The following CFTR variants were observed in gnomAD, a reference collection of about 807,000 sequenced individuals.
CFTR encodes the protein CF transmembrane conductance regulator.
CFTR carries 181 observed loss-of-function variants against 171.6 expected under a neutral mutation model. The ratio of observed to expected loss-of-function variants is 1.05; its 90% confidence interval spans 0.93 to 1.19. The LOEUF is 1.19. Among genes scored for constraint, CFTR ranks in the 50% most tolerant of loss-of-function variants. The pLI is 0.00. For synonymous variants in CFTR, 583 were observed against 608.0 expected, an observed-to-expected ratio of 0.96 and a Z score of 0.60; for missense variants, 1,968 against 1,734.7, an observed-to-expected ratio of 1.13 and a Z score of -2.39.
At chr7:117,513,502 A>G (rs1375911925) in intron 3 of CFTR, among the ~76,000 whole-genome samples, 1 of 151,682 alleles carries the variant, frequency 6.6e-6, no homozygotes, top group Non-Finnish European at 1.5e-5. Flanking sequence ...TACAGATGCA[A>G]ATTTCTCCCA....
intron 22 of CFTR, among the ~76,000 whole-genome samples, chr7:117,637,481 T>G (rs919312454): frequency 6.6e-6 from 1 of 152,136 alleles, no homozygotes; most frequent in Non-Finnish European, 1.5e-5. Context: ...GAGCGGGAGT[T>G]GAGTATTTCC....
Position 117,598,270 on chromosome 7 carries a change from T to C in CFTR, c.2619+3212T>C, listed in dbSNP as rs1792169798. On this transcript the variant is annotated intron_variant, in intron 15 of 26. Coordinates refer to ENST00000003084, the MANE Select transcript of CFTR (RefSeq NM_000492.4). ...TGTGAATGATTACTGCAGATATTTA[T>C]TCTAGAGGACACCCCTGGGTATGTC... is the stretch of plus-strand genomic sequence containing the variant. Among the ~76,000 whole-genome samples, 3 of 152,324 alleles carry C rather than the reference T, an allele frequency of 2.0e-5. No individual in the cohort carries two copies. The South Asian group carries it at 6.2e-4, about 32-fold the overall frequency.
At chr7:117,585,341 A>G (rs1191290613) in intron 11 of CFTR, among the ~76,000 whole-genome samples, 1 of 152,134 alleles carries the variant, frequency 6.6e-6, no homozygotes, top group East Asian at 1.9e-4. Context: ...CTCTAAATCA[A>G]TAATCTATTT....
intron 13 of CFTR, 107 bp from the exon 14 acceptor site, chr7:117,591,827 A>T: frequency 1.5e-6 from 1 of 660,828 alleles, no homozygotes; most frequent in Non-Finnish European, 2.5e-6. Flanking sequence ...ATAAAATTGT[A>T]TGATAGAGAT....
chr7:117,565,244 G>A (rs531919372), intron 11 of CFTR, among the ~76,000 whole-genome samples: 3 of 152,248 alleles, frequency 2.0e-5, no homozygotes, highest in South Asian at 2.1e-4. Context: ...AGAAATCAAC[G>A]CAATTAAGCC....
intron 24 of CFTR, among the ~76,000 whole-genome samples, chr7:117,660,963 A>G: frequency 6.6e-6 from 1 of 152,158 alleles, no homozygotes; most frequent in Non-Finnish European, 1.5e-5. Flanking sequence ...AACTCTCATT[A>G]AGAGCCAGTT....
chr7:117,623,402 G>A (rs1792609815), intron 21 of CFTR, among the ~76,000 whole-genome samples: 1 of 152,202 alleles, frequency 6.6e-6, no homozygotes, highest in Non-Finnish European at 1.5e-5. Flanking sequence ...GGGTTAAGGA[G>A]TTTGCCAATC....
intron 23 of CFTR, among the ~76,000 whole-genome samples, chr7:117,643,757 G>A (rs1292760400): frequency 2.0e-5 from 3 of 152,198 alleles, no homozygotes. Context: ...TGATAGAGAA[G>A]TGTTGTTATT....
intron 10 of CFTR, among the ~76,000 whole-genome samples, chr7:117,552,091 T>C (rs1181714078): frequency 6.6e-6 from 1 of 152,110 alleles, no homozygotes; most frequent in Non-Finnish European, 1.5e-5. Context: ...CACACATATA[T>C]ATATGACACT....
intron 6 of CFTR, among the ~76,000 whole-genome samples, chr7:117,535,677 G>A (rs969408037): frequency 2.0e-5 from 3 of 151,788 alleles, no homozygotes; most frequent in Non-Finnish European, 4.4e-5. Flanking sequence ...TGGGATTAGA[G>A]GCGCATGCCA....
At chr7:117,572,593 C>G (rs1791711738) in intron 11 of CFTR, among the ~76,000 whole-genome samples, 1 of 152,096 alleles carries the variant, frequency 6.6e-6, no homozygotes, top group African/African-American at 2.4e-5. Context: ...ACTTCATTCT[C>G]TCTCTCTTTA....
chr7:117,509,953 G>A (rs900364373), intron 3 of CFTR, among the ~76,000 whole-genome samples: 4 of 152,056 alleles, frequency 2.6e-5, no homozygotes, highest in South Asian at 2.1e-4. Context: ...ATGCCTCAGG[G>A]AGTTAAACAG....
At chr7:117,660,298 T>A (rs1165861345) in intron 24 of CFTR, among the ~76,000 whole-genome samples, 3 of 152,168 alleles carry the variant, frequency 2.0e-5, no homozygotes, top group South Asian at 2.1e-4. Context: ...GTACTTTTTT[T>A]AATTTATTGA....
chr7:117,483,282 AAAT>A (rs2116608768), intron 1 of CFTR, among the ~76,000 whole-genome samples: 1 of 152,302 alleles, frequency 6.6e-6, no homozygotes, highest in South Asian at 2.1e-4. Context: ...TTGCCTTTCT[AAAT>A]AATACATAAA....
rs183224026 is a variant in CFTR, at chr7:117,641,397, G to A, written c.3718-1041G>A. On this transcript the variant is annotated intron_variant, in intron 22 of 26. Coordinates refer to ENST00000003084, the MANE Select transcript of CFTR (RefSeq NM_000492.4). The stretch of plus-strand genomic sequence containing the variant: ...TTATATATTTTTGAAGTATTGATAT[G>A]TAGTGAATTAGAAATTTAAAAAGAA... Among the ~76,000 whole-genome samples the A allele has an allele frequency of 1.7e-3, 265 of 152,260 alleles. 1 individual carries two copies. The highest frequency in any genetic ancestry group is 2.5e-3 in the Non-Finnish European group (171 of 68,012).
chr7:117,617,678 C>G (rs778540300), intron 21 of CFTR, among the ~76,000 whole-genome samples: 2 of 152,040 alleles, frequency 1.3e-5, no homozygotes, highest in Non-Finnish European at 2.9e-5. Flanking sequence ...CATGCACCAC[C>G]TTCTGCCTGT....
chr7:117,483,656 C>A (rs1584765910), intron 1 of CFTR, among the ~76,000 whole-genome samples: 1 of 152,112 alleles, frequency 6.6e-6, no homozygotes, highest in African/African-American at 2.4e-5. Context: ...ACCTCCTGGG[C>A]TCAAGTGAGC....
At chr7:117,515,668 AT>A (rs879738266) in intron 3 of CFTR, among the ~76,000 whole-genome samples, 25 of 151,542 alleles carry the variant, frequency 1.6e-4, no homozygotes, top group Admixed American at 9.9e-4. Flanking sequence ...ATTTAAAATA[AT>A]TTTTTTTTAT....
intron 16 of CFTR, 46 bp from the exon 17 acceptor site, chr7:117,603,486 T>A (rs1190889382): frequency 4.3e-6 from 7 of 1,611,308 alleles, no homozygotes; most frequent in African/African-American, 1.3e-5. Context: ...GGAAATTCAG[T>A]AAGTAACTTT....
Sources: allele counts gnomAD v4.1 joint callset (sites outside exome capture counted in the v4.1 genomes callset), GRCh38; gene constraint gnomAD v4.1.1; transcripts MANE v1.5; gene names NCBI Gene and HGNC (gene_info 2026-07-23, HGNC 2026-07-21).